Variants in PNPLA8 observed in about 807,000 individuals in gnomAD.
PNPLA8 encodes the protein patatin like domain 8, phospholipase A2, also known as calcium-independent phospholipase A2-gamma.
PNPLA8 carries 39 observed loss-of-function variants against 76.9 expected under a neutral mutation model. The ratio of observed to expected loss-of-function variants is 0.51; its 90% CI spans 0.39 to 0.66. The LOEUF (loss-of-function observed/expected upper bound fraction) is 0.66. Ranked by LOEUF, PNPLA8 falls within the 30% of genes least tolerant of loss-of-function variation. The probability of loss-of-function intolerance (pLI) is 0.00; values close to 1 mark genes in which losing one functional copy is unlikely to be tolerated. For missense variants in PNPLA8, 887 were observed against 918.0 expected, an observed-to-expected ratio of 0.97 and a Z score of 0.44; for synonymous variants, 301 against 307.9, an observed-to-expected ratio of 0.98 and a Z score of 0.24.
chr7:108,478,079 A>T (rs949952751), intron 10 of PNPLA8, among the ~76,000 whole-genome samples: 2 of 152,240 alleles, frequency 1.3e-5, no homozygotes, highest in African/African-American at 4.8e-5. Context: ...TAAATGCTGT[A>T]AGAGAAAAAG....
Position 108,487,889 on chromosome 7 carries a change from T to A in PNPLA8, c.1748A>T (p.Tyr583Phe), listed in dbSNP as rs1205794089. 3 of 1,613,434 alleles carry A rather than the reference T, an allele frequency of 1.9e-6. No individual in the cohort carries two copies. Among genetic ancestry groups the A allele is most frequent in the Admixed American group, 1.7e-5 (1 of 59,984 alleles). ...ITPKAFVFRN[Y>F]GHFPGINSHY... ...AGAGTTGATTCCAGGAAAATGACCA[T>A]AGTTTCTGAACACAAAAGCTTTGGG... The change falls in exon 9 of 11, where the codon TAT (tyrosine) becomes TTT (phenylalanine). Residue 583 changes from tyrosine to phenylalanine, a missense_variant. Coordinates refer to ENST00000257694, the MANE Select transcript of PNPLA8 (RefSeq NM_001256007.3).
chr7:108,521,027 TATGGGCA>T (rs1863698735), intron 2 of PNPLA8, among the ~76,000 whole-genome samples: 1 of 152,080 alleles, frequency 6.6e-6, no homozygotes, highest in Non-Finnish European at 1.5e-5. Context: ...GCAGATACCC[TATGGGCA>T]ATGGGATCCT....
chr7:108,509,500 T>C (rs1862728035), intron 4 of PNPLA8, among the ~76,000 whole-genome samples: 1 of 147,112 alleles, frequency 6.8e-6, no homozygotes, highest in African/African-American at 2.5e-5. Context: ...CCAGTTAGAA[T>C]GGCGATCATT....
At position 108,479,686 on chromosome 7, in the gene PNPLA8, T is replaced by C. The variant is rs1860259622; in HGVS notation, c.1879-307A>G. 1.5e-5 allele frequency: 4 copies of C among 270,458 alleles called. No individual in the cohort carries two copies. In the South Asian group the frequency reaches 1.9e-4, roughly 13 times the overall value. The allele number at this position is 270,458 out of a possible 1,614,324, so 16.8% of individuals were successfully genotyped here. ...ACACATTATCTTATTTAGTGGTTAATACAGGTTCTACTTAAAGCCTAACAG... is the reference window on the plus strand; with the variant it reads ...ACACATTATCTTATTTAGTGGTTAACACAGGTTCTACTTAAAGCCTAACAG... On this transcript the variant is annotated intron_variant, in intron 9 of 10. Coordinates refer to ENST00000257694, the MANE Select transcript of PNPLA8 (RefSeq NM_001256007.3).
intron 4 of PNPLA8, among the ~76,000 whole-genome samples, chr7:108,503,854 G>A (rs1862138824): frequency 6.6e-6 from 1 of 152,192 alleles, no homozygotes; most frequent in Non-Finnish European, 1.5e-5. Flanking sequence ...CATCTAAGGG[G>A]TTTGGAGTGA....
chr7:108,514,549 A>G lies in PNPLA8; in HGVS notation c.943T>C (p.Tyr315His). 6.2e-7 allele frequency: 1 copy of G among 1,613,942 alleles called. No homozygotes were observed. Among genetic ancestry groups the G allele is most frequent in the Non-Finnish European group, 8.5e-7 (1 of 1,179,830 alleles). Residue 315 changes from tyrosine to histidine, a missense_variant, in exon 3 of 11, where the codon TAT becomes CAT. By Grantham distance (83) the Tyr-to-His change is moderately conservative. Coordinates refer to ENST00000257694, the MANE Select transcript of PNPLA8 (RefSeq NM_001256007.3). ...TCTTCTGACTGACTCTTTGAATCATACTTTAATTTGGGGACAAGTCCACCA... is the reference window on the plus strand; with the variant it reads ...TCTTCTGACTGACTCTTTGAATCATGCTTTAATTTGGGGACAAGTCCACCA... ...YIGGLVPKLK[Y>H]DSKSQSEEQE...
At chr7:108,474,704 T>A (rs1217755166) in intron 10 of PNPLA8, among the ~76,000 whole-genome samples, 1 of 152,190 alleles carries the variant, frequency 6.6e-6, no homozygotes, top group Non-Finnish European at 1.5e-5. Flanking sequence ...TCCCACTGAG[T>A]TACCTTAGCA....
At chr7:108,494,427 A>C (rs1861412325) in intron 7 of PNPLA8, among the ~76,000 whole-genome samples, 1 of 152,128 alleles carries the variant, frequency 6.6e-6, no homozygotes, top group South Asian at 2.1e-4. Context: ...TGTATATTCA[A>C]TGTTTAGCTC....
intron 8 of PNPLA8, among the ~76,000 whole-genome samples, chr7:108,488,416 C>T (rs1860905683): frequency 2.0e-5 from 3 of 152,120 alleles, no homozygotes; most frequent in Admixed American, 2.0e-4. Flanking sequence ...CCCAACTCAA[C>T]TAAAAATACA....
At position 108,515,583 on chromosome 7, in the gene PNPLA8, G is replaced by A; in HGVS notation, c.-83-9C>T. ...ATAATTCATGGTCTTACCTGAAATG[G>A]CAAGAAAAAAAATTAGAATTCAAGT... On this transcript the variant is annotated splice_polypyrimidine_tract_variant and intron_variant, in intron 2 of 10. Transcript: ENST00000257694. 1 of 1,257,230 alleles carries A rather than the reference G, an allele frequency of 8.0e-7. No homozygotes were observed. The highest frequency in any genetic ancestry group is 1.0e-6 in the Non-Finnish European group (1 of 998,764). The allele number at this position is 1,257,230 out of a possible 1,614,324, so 77.9% of individuals were successfully genotyped here. A position where few individuals can be genotyped will look rare whatever the true frequency, so the allele number is the denominator to read the frequency against.
At chr7:108,486,520 A>C (rs918196070) in intron 9 of PNPLA8, among the ~76,000 whole-genome samples, 2 of 152,120 alleles carry the variant, frequency 1.3e-5, no homozygotes, top group African/African-American at 4.8e-5. Flanking sequence ...AAGTGCCTTA[A>C]ATAATTCAAC....
intron 4 of PNPLA8, chr7:108,510,352 G>A: frequency 6.4e-7 from 1 of 1,573,178 alleles, no homozygotes; most frequent in Non-Finnish European, 8.6e-7. Context: ...CCCAAAAGAT[G>A]CTTCGAAAGG....
chr7:108,489,908 T>C (rs1006963792), intron 8 of PNPLA8, among the ~76,000 whole-genome samples: 2 of 152,202 alleles, frequency 1.3e-5, no homozygotes, highest in African/African-American at 2.4e-5. Context: ...AAGAGCCACA[T>C]TGAGACACAT....
intron 4 of PNPLA8, among the ~76,000 whole-genome samples, chr7:108,507,363 A>G (rs957413769): frequency 3.3e-5 from 5 of 150,784 alleles, no homozygotes; most frequent in East Asian, 1.9e-4. Flanking sequence ...AAAAAAAAAA[A>G]AAAGAAACAG....
intron 1 of PNPLA8, among the ~76,000 whole-genome samples, chr7:108,521,793 T>C (rs115666461): frequency 0.018 from 2,709 of 152,052 alleles, 92 homozygotes; most frequent in African/African-American, 0.061. Context: ...TAAAGGCAAG[T>C]AAGGGGAAAA....
At position 108,513,200 on chromosome 7, in the gene PNPLA8, T is replaced by A. The variant is rs939747996; in HGVS notation, c.1206+944A>T. ...GTAATTCTATTTAAGATCTTTGCTTTCAGTATATCACTGAAATGTGAAATA... is the reference window on the plus strand; with the variant it reads ...GTAATTCTATTTAAGATCTTTGCTTACAGTATATCACTGAAATGTGAAATA... On this transcript the variant is annotated intron_variant, in intron 4 of 10. Coordinates refer to ENST00000257694, the MANE Select transcript of PNPLA8 (RefSeq NM_001256007.3). Among the ~76,000 whole-genome samples the A allele has an allele frequency of 3.3e-5, 5 of 152,338 alleles. No homozygotes were observed. In the East Asian group the frequency reaches 5.8e-4, roughly 18 times the overall value.
intron 10 of PNPLA8, among the ~76,000 whole-genome samples, chr7:108,474,928 T>C (rs542038085): frequency 1.3e-5 from 2 of 152,276 alleles, no homozygotes; most frequent in Admixed American, 1.3e-4. Context: ...CCCCAACCCA[T>C]GGGCTGCACA....
intron 10 of PNPLA8, among the ~76,000 whole-genome samples, chr7:108,473,781 C>G (rs970966515): frequency 6.6e-6 from 1 of 152,070 alleles, no homozygotes; most frequent in African/African-American, 2.4e-5. Flanking sequence ...CATGGCTCAC[C>G]GCAACCTCGA....
chr7:108,488,250 T>TC (rs1563943756), intron 8 of PNPLA8, among the ~76,000 whole-genome samples: 1 of 152,172 alleles, frequency 6.6e-6, no homozygotes, highest in African/African-American at 2.4e-5. Flanking sequence ...TTCTAGACCT[T>TC]TACATAATAA....
Sources: gnomAD v4.1 joint callset for allele counts (sites outside exome capture counted in the v4.1 genomes callset) on GRCh38, gnomAD v4.1.1 for gene constraint, MANE v1.5 for transcripts, NCBI Gene and HGNC (gene_info 2026-07-23, HGNC 2026-07-21) for gene names.